The following EXOC4 variants were observed in gnomAD, a reference collection of about 807,000 sequenced individuals.
EXOC4 encodes SEC8-like 1.
Under a neutral mutation model 107.2 loss-of-function variants are expected in EXOC4, and 71 were observed. That is an observed-to-expected ratio of 0.66 (90% CI 0.55 to 0.81). The LOEUF is 0.81. Among genes scored for constraint, EXOC4 ranks in the 30% least tolerant of loss-of-function variants. EXOC4 has a pLI of 0.00. For missense variants in EXOC4, 1,108 were observed against 1,189.6 expected (o/e 0.93, Z 1.01); for synonymous variants, 456 against 441.2 (o/e 1.03, Z -0.42).
intron 13 of EXOC4, among the ~76,000 whole-genome samples, chr7:133,921,087 C>T (rs1268305076): frequency 6.6e-6 from 1 of 152,150 alleles, no homozygotes; most frequent in Non-Finnish European, 1.5e-5. Flanking sequence ...AGCTGCAGAA[C>T]AAGGAAAGTC....
At chr7:134,087,220 C>A in the EXOC4 span, among the ~76,000 whole-genome samples, 1 of 152,090 alleles carries the variant, frequency 6.6e-6, no homozygotes, top group African/African-American at 2.4e-5. Context: ...TAAAAGACAA[C>A]CCTAACTTCA....
intron 12 of EXOC4, among the ~76,000 whole-genome samples, chr7:133,908,838 T>A (rs934122259): frequency 3.9e-5 from 6 of 152,194 alleles, no homozygotes; most frequent in South Asian, 2.1e-4. Flanking sequence ...AAAGTTTTTT[T>A]AATTTTTTTA....
At chr7:134,004,738 G>C (rs1331005686) in intron 15 of EXOC4, among the ~76,000 whole-genome samples, 174 bp from the exon 16 acceptor site, 1 of 152,158 alleles carries the variant, frequency 6.6e-6, no homozygotes, top group African/African-American at 2.4e-5. Context: ...TTCATATTAA[G>C]TGTAGAGCAT....
chr7:133,942,269 CTT>C (rs879804373), intron 14 of EXOC4, among the ~76,000 whole-genome samples: 5 of 144,200 alleles, frequency 3.5e-5, no homozygotes, highest in Non-Finnish European at 3.1e-5. Context: ...TCTAGGAAGT[CTT>C]TTTTTTTTTT....
At chr7:133,363,796 G>A (rs530348572) in intron 6 of EXOC4, among the ~76,000 whole-genome samples, 1 of 152,236 alleles carries the variant, frequency 6.6e-6, no homozygotes, top group Admixed American at 6.5e-5. Context: ...AGTGGGAGCT[G>A]CCTTAGGTTT....
At chr7:133,277,490 G>A (rs1318439416) in intron 2 of EXOC4, among the ~76,000 whole-genome samples, 9 of 152,148 alleles carry the variant, frequency 5.9e-5, no homozygotes, top group East Asian at 3.8e-4. Flanking sequence ...CATCTTAGCC[G>A]CTAACAAAGA....
rs397890140 is a variant in EXOC4, at chr7:133,659,000, CTTTTTTTTTT to C, written c.1514+28879_1514+28888del. On this transcript the variant is annotated intron_variant, in intron 10 of 17. Coordinates refer to ENST00000253861, the MANE Select transcript of EXOC4 (RefSeq NM_021807.4). ...TGATTTGGTGAAGACTTCAGAGAAGCTTTTTTTTTTTTTTTTTTTTTTTTTTTTTGTGGTT... is the reference window on the plus strand; with the variant it reads ...TGATTTGGTGAAGACTTCAGAGAAGCTTTTTTTTTTTTTTTTTTTGTGGTT... Among the ~76,000 whole-genome samples the C allele has an allele frequency of 6.3e-3, 252 of 40,138 alleles. 3 individuals carry two copies. The highest frequency in any genetic ancestry group is 0.022 in the African/African-American group (221 of 9,836). 26.3% of individuals were successfully genotyped at this position (40,138 alleles called of 152,430 possible).
At chr7:133,976,932 A>C (rs1360219947) in intron 14 of EXOC4, among the ~76,000 whole-genome samples, 3 of 152,210 alleles carry the variant, frequency 2.0e-5, no homozygotes, top group Non-Finnish European at 2.9e-5. Context: ...TGTTCTGATG[A>C]ATGAGCCTTA....
At chr7:134,024,285 C>G (rs1346442709) in intron 17 of EXOC4, among the ~76,000 whole-genome samples, 1 of 152,074 alleles carries the variant, frequency 6.6e-6, no homozygotes, top group Non-Finnish European at 1.5e-5. Context: ...CCCGTCTCTA[C>G]TAAAAAATAC....
At chr7:133,312,064 C>T (rs984180874) in intron 4 of EXOC4, among the ~76,000 whole-genome samples, 1 of 152,066 alleles carries the variant, frequency 6.6e-6, no homozygotes, top group Non-Finnish European at 1.5e-5. Flanking sequence ...AGGTCTACAT[C>T]CTACAAAAAC....
chr7:134,048,881 T>G (rs1357193029), intron 17 of EXOC4, among the ~76,000 whole-genome samples: 1 of 151,908 alleles, frequency 6.6e-6, no homozygotes, highest in Non-Finnish European at 1.5e-5. Flanking sequence ...AAAAAAAAAA[T>G]AGCCAAGTTG....
At chr7:133,616,397 A>G (rs1802195937) in intron 9 of EXOC4, among the ~76,000 whole-genome samples, 1 of 152,162 alleles carries the variant, frequency 6.6e-6, no homozygotes, top group South Asian at 2.1e-4. Context: ...TAGATTACTA[A>G]GTATGGGTTA....
chr7:133,936,306 A>G (rs140603953), intron 13 of EXOC4, among the ~76,000 whole-genome samples: 73 of 152,356 alleles, frequency 4.8e-4, no homozygotes, highest in African/African-American at 1.7e-3. Flanking sequence ...TTGGTAGGAT[A>G]AACATTTTAG....
chr7:133,525,211 AATT>A (rs1427306473), intron 9 of EXOC4, among the ~76,000 whole-genome samples: 1 of 152,166 alleles, frequency 6.6e-6, no homozygotes, highest in Non-Finnish European at 1.5e-5. Context: ...GTGTTTGCTG[AATT>A]ATTAATATCA....
intron 10 of EXOC4, among the ~76,000 whole-genome samples, chr7:133,787,955 T>TTTTTTTTATA (rs774395151): frequency 1.3e-4 from 4 of 31,640 alleles, no homozygotes; most frequent in African/African-American, 3.9e-4. Flanking sequence ...GTGCATATAT[T>TTTTTTTTATA]TATATATTTA....
intron 10 of EXOC4, among the ~76,000 whole-genome samples, chr7:133,763,277 A>AG (rs1285084005): frequency 2.6e-5 from 4 of 152,114 alleles, no homozygotes; most frequent in African/African-American, 7.2e-5. Flanking sequence ...AACAGGGCTG[A>AG]GTACCAAGTA....
chr7:133,364,592 A>G (rs1258521365), intron 6 of EXOC4, among the ~76,000 whole-genome samples: 1 of 152,234 alleles, frequency 6.6e-6, no homozygotes, highest in Non-Finnish European at 1.5e-5. Context: ...CCCAAGAAGC[A>G]GTGGTTATTA....
chr7:133,339,610 T>G (rs1350092674), intron 5 of EXOC4, among the ~76,000 whole-genome samples: 4 of 152,198 alleles, frequency 2.6e-5, no homozygotes, highest in Non-Finnish European at 2.9e-5. Context: ...ATATGGTCAT[T>G]TTCACAATAT....
chr7:133,680,036 A>G (rs774609952), intron 10 of EXOC4, among the ~76,000 whole-genome samples: 1 of 152,174 alleles, frequency 6.6e-6, no homozygotes, highest in Non-Finnish European at 1.5e-5. Context: ...CTTCCAAGGA[A>G]TGAATTTTAT....
Sources: allele counts gnomAD v4.1 joint callset (sites outside exome capture counted in the v4.1 genomes callset), GRCh38; gene constraint gnomAD v4.1.1; transcripts MANE v1.5; gene names NCBI Gene and HGNC (gene_info 2026-07-23, HGNC 2026-07-21).